The following SLC5A4 variants were observed in gnomAD, a reference collection of about 807,000 sequenced individuals.
The protein encoded by SLC5A4 is solute carrier family 5 member 4.
A neutral mutation model predicts 70.3 loss-of-function variants in SLC5A4; 55 were observed. The observed-to-expected ratio is 0.78, with a 90% CI of 0.63 to 0.98. The LOEUF (loss-of-function observed/expected upper bound fraction) is 0.98. Among genes scored for constraint, SLC5A4 ranks in the 50% least tolerant of loss-of-function variants. SLC5A4 has a pLI of 0.00. For missense variants in SLC5A4, 735 were observed against 839.2 expected (o/e 0.88, Z 1.53); for synonymous variants, 268 against 305.7 (o/e 0.88, Z 1.29).
At chr22:32,302,544 T>C in the SLC5A4 span, among the ~76,000 whole-genome samples, 13 of 152,210 alleles carry the variant, frequency 8.5e-5, no homozygotes, top group Non-Finnish European at 1.5e-4. Context: ...TTCCTATGAA[T>C]GTCCAATTGC....
chr22:32,280,194 T>A, the SLC5A4 span, among the ~76,000 whole-genome samples: 2 of 152,172 alleles, frequency 1.3e-5, no homozygotes, highest in Non-Finnish European at 2.9e-5. Context: ...TTGTGTGTTT[T>A]TAGTAGAGAC....
chr22:32,330,835 TG>T, the SLC5A4 span, among the ~76,000 whole-genome samples: 1 of 128,654 alleles, frequency 7.8e-6, no homozygotes, highest in African/African-American at 2.9e-5. Context: ...GGTGTGTGTG[TG>T]TGTGTTGGGG....
At chr22:32,225,480 G>C (rs887933244) in intron 12 of SLC5A4, among the ~76,000 whole-genome samples, 175 bp downstream of exon 12, 1 of 152,142 alleles carries the variant, frequency 6.6e-6, no homozygotes, top group African/African-American at 2.4e-5. Context: ...CTATGAATGT[G>C]CGCTATATTT....
chr22:32,246,429 G>A (rs1219555133), intron 5 of SLC5A4, among the ~76,000 whole-genome samples: 1 of 152,214 alleles, frequency 6.6e-6, no homozygotes, highest in East Asian at 1.9e-4. Context: ...TACATGAGGA[G>A]CAAATAAGTT....
At chr22:32,252,988 T>C (rs1407868013) in intron 2 of SLC5A4, among the ~76,000 whole-genome samples, 2 of 152,296 alleles carry the variant, frequency 1.3e-5, no homozygotes, top group South Asian at 2.1e-4. Flanking sequence ...GAGGATGGGA[T>C]TGAGCTGGTT....
chr22:32,290,112 G>T, the SLC5A4 span, among the ~76,000 whole-genome samples: 4 of 151,932 alleles, frequency 2.6e-5, no homozygotes, highest in Admixed American at 2.6e-4. Flanking sequence ...TTTAAGTTCT[G>T]GGATGCATGT....
the SLC5A4 span, among the ~76,000 whole-genome samples, chr22:32,342,096 G>A: frequency 6.6e-6 from 1 of 152,166 alleles, no homozygotes; most frequent in Non-Finnish European, 1.5e-5. Flanking sequence ...CAAACCCTAT[G>A]TGCTAAATAA....
At chr22:32,262,499 G>T in the SLC5A4 span, among the ~76,000 whole-genome samples, 1 of 152,188 alleles carries the variant, frequency 6.6e-6, no homozygotes, top group East Asian at 1.9e-4. Flanking sequence ...AGCCTCAGGG[G>T]CCAGGCAGGA....
At chr22:32,338,531 G>C in the SLC5A4 span, among the ~76,000 whole-genome samples, 1 of 152,120 alleles carries the variant, frequency 6.6e-6, no homozygotes, top group African/African-American at 2.4e-5. Flanking sequence ...CAGGCGTGGT[G>C]GTGGGCGCCT....
At chr22:32,309,786 G>A in the SLC5A4 span, among the ~76,000 whole-genome samples, 2 of 152,090 alleles carry the variant, frequency 1.3e-5, no homozygotes, top group African/African-American at 4.8e-5. Context: ...CAGATAAGAA[G>A]CAGAGGCTCT....
chr22:32,274,135 G>T, the SLC5A4 span, among the ~76,000 whole-genome samples: 1 of 151,872 alleles, frequency 6.6e-6, no homozygotes, highest in Non-Finnish European at 1.5e-5. Context: ...CACCTCCCGG[G>T]TTCACACCGT....
the SLC5A4 span, among the ~76,000 whole-genome samples, chr22:32,305,717 G>A: frequency 5.3e-5 from 8 of 150,814 alleles, 1 homozygote; most frequent in Admixed American, 2.0e-4. Flanking sequence ...TCAGGAGCAC[G>A]GTGCTCATTA....
At chr22:32,306,107 C>G in the SLC5A4 span, among the ~76,000 whole-genome samples, 4 of 152,148 alleles carry the variant, frequency 2.6e-5, no homozygotes, top group East Asian at 7.7e-4. Context: ...TTGAAGCAAA[C>G]GTCAATCTAG....
At chr22:32,301,120 G>A in the SLC5A4 span, among the ~76,000 whole-genome samples, 8 of 152,056 alleles carry the variant, frequency 5.3e-5, no homozygotes, top group Non-Finnish European at 1.2e-4. Flanking sequence ...CCACCACTGC[G>A]CCCGGCTAAT....
At chr22:32,286,548 A>G in the SLC5A4 span, among the ~76,000 whole-genome samples, 3 of 152,180 alleles carry the variant, frequency 2.0e-5, no homozygotes, top group Non-Finnish European at 4.4e-5. Context: ...TTACCTCAGC[A>G]TAGCCTATCC....
chr22:32,293,903 A>G, the SLC5A4 span, among the ~76,000 whole-genome samples: 3 of 152,160 alleles, frequency 2.0e-5, no homozygotes, highest in Admixed American at 1.3e-4. Flanking sequence ...AAACATATAT[A>G]CTGTTTGATA....
At chr22:32,290,336 C>T in the SLC5A4 span, among the ~76,000 whole-genome samples, 2 of 152,070 alleles carry the variant, frequency 1.3e-5, no homozygotes. Flanking sequence ...TTTATGAGGA[C>T]ATGTGGTGTT....
chr22:32,223,124 G>C (rs2123866352), intron 13 of SLC5A4, among the ~76,000 whole-genome samples: 1 of 152,168 alleles, frequency 6.6e-6, no homozygotes, highest in African/African-American at 2.4e-5. Flanking sequence ...GTGAATAATA[G>C]AGCTCCCTCA....
At chr22:32,221,203 A>AT (rs1925063312) in intron 13 of SLC5A4, among the ~76,000 whole-genome samples, 181 bp from the exon 14 acceptor site, 1 of 152,126 alleles carries the variant, frequency 6.6e-6, no homozygotes, top group African/African-American at 2.4e-5. Context: ...ATCATTTTAA[A>AT]TTTTTTTCTG....
Sources: gnomAD v4.1 joint callset for allele counts (sites outside exome capture counted in the v4.1 genomes callset) on GRCh38, gnomAD v4.1.1 for gene constraint, MANE v1.5 for transcripts, NCBI Gene and HGNC (gene_info 2026-07-23, HGNC 2026-07-21) for gene names.